The following KCNQ3 variants were observed in gnomAD, a reference collection of about 807,000 sequenced individuals.
The protein encoded by KCNQ3 is potassium voltage-gated channel subfamily KQT member 3.
A neutral mutation model predicts 92.5 loss-of-function variants in KCNQ3; 30 were observed. That is an observed-to-expected ratio of 0.32 (90% CI 0.24 to 0.44). The LOEUF (loss-of-function observed/expected upper bound fraction) is 0.44. KCNQ3 is among the 20% of genes least tolerant of loss of function. The pLI is 1.00. For synonymous variants in KCNQ3, 450 were observed against 468.8 expected, an observed-to-expected ratio of 0.96 and a Z score of 0.52; for missense variants, 913 against 1,140.3, an observed-to-expected ratio of 0.80 and a Z score of 2.87.
At chr8:132,331,361 G>A (rs1289368905) in intron 1 of KCNQ3, among the ~76,000 whole-genome samples, 4 of 152,176 alleles carry the variant, frequency 2.6e-5, no homozygotes, top group Non-Finnish European at 5.9e-5. Flanking sequence ...TCAGCCTCCA[G>A]GAGGATCACC....
chr8:132,378,581 T>C (rs983565972), intron 1 of KCNQ3, among the ~76,000 whole-genome samples: 18 of 152,364 alleles, frequency 1.2e-4, no homozygotes, highest in African/African-American at 4.3e-4. Context: ...ACTCTTGCCT[T>C]GCCACTTCCA....
At chr8:132,186,950 G>C (rs866737461) in intron 1 of KCNQ3, among the ~76,000 whole-genome samples, 2 of 107,224 alleles carry the variant, frequency 1.9e-5, no homozygotes, top group African/African-American at 4.0e-5. Flanking sequence ...GAGAGAGAGA[G>C]AGAGACAGAG....
At chr8:132,366,780 A>C (rs966171658) in intron 1 of KCNQ3, among the ~76,000 whole-genome samples, 1 of 152,172 alleles carries the variant, frequency 6.6e-6, no homozygotes, top group Non-Finnish European at 1.5e-5. Flanking sequence ...TAGATCTCCT[A>C]ATGTTACATA....
intron 1 of KCNQ3, among the ~76,000 whole-genome samples, chr8:132,286,842 G>T (rs968720231): frequency 1.2e-4 from 18 of 152,166 alleles, no homozygotes; most frequent in Admixed American, 6.5e-5. Flanking sequence ...GTTTTCACAG[G>T]AATGGATTAG....
chr8:132,140,203 C>T lies in KCNQ3; in HGVS notation c.1466-25G>A, dbSNP rs553836349. 51 of 1,564,514 alleles carry T rather than the reference C, an allele frequency of 3.3e-5. No homozygotes were observed. The South Asian group carries it at 5.0e-4, about 15-fold the overall frequency. On this transcript the variant is annotated intron_variant, in intron 10 of 14. Transcript: ENST00000388996. ...TCTGGGAGGGAGACACACATATGAA[C>T]GGCAGGCCACAGACCTGGAAAAGGC...
intron 1 of KCNQ3, among the ~76,000 whole-genome samples, chr8:132,334,429 GA>G (rs959914865): frequency 6.6e-5 from 10 of 152,080 alleles, no homozygotes; most frequent in African/African-American, 2.4e-4. Flanking sequence ...AACAAAAATA[GA>G]AAAAAGAAAA....
In KCNQ3 at chr8:132,250,524, C is replaced by T. The variant is rs189005426; in HGVS notation, c.387-64343G>A. Among the ~76,000 whole-genome samples the T allele has an allele frequency of 4.9e-3, 744 of 152,142 alleles. 7 individuals are homozygous for T. Among genetic ancestry groups the T allele is most frequent in the African/African-American group, 0.017 (720 of 41,522 alleles). ...TTAAATATTTCATAGTCTTAATTTT[C>T]TGGGTCAGGCTAAAACAAGGCTAAA... is the stretch of plus-strand genomic sequence containing the variant. On this transcript the variant is annotated intron_variant, in intron 1 of 14. Coordinates refer to ENST00000388996, the MANE Select transcript of KCNQ3 (RefSeq NM_004519.4).
chr8:132,457,122 C>T (rs1334600906), intron 1 of KCNQ3, among the ~76,000 whole-genome samples: 3 of 152,198 alleles, frequency 2.0e-5, no homozygotes, highest in African/African-American at 4.8e-5. Context: ...AGGGTGCCAA[C>T]ACCCCAAACA....
chr8:132,140,353 G>T, intron 10 of KCNQ3, 175 bp from the exon 11 acceptor site: 1 of 583,448 alleles, frequency 1.7e-6, no homozygotes, highest in Non-Finnish European at 3.0e-6. Context: ...AGCCTTTCTT[G>T]GCACCCTCAT....
At chr8:132,271,094 T>C (rs1430426156) in intron 1 of KCNQ3, among the ~76,000 whole-genome samples, 1 of 152,228 alleles carries the variant, frequency 6.6e-6, no homozygotes, top group African/African-American at 2.4e-5. Flanking sequence ...GCACTGCAGA[T>C]ACAGAAAAGA....
chr8:132,477,812 G>T (rs989709398), intron 1 of KCNQ3, among the ~76,000 whole-genome samples: 1 of 152,150 alleles, frequency 6.6e-6, no homozygotes, highest in Non-Finnish European at 1.5e-5. Context: ...CATTAACAAT[G>T]GGGAAAGGGG....
chr8:132,323,994 C>A (rs1356981399), intron 1 of KCNQ3, among the ~76,000 whole-genome samples: 1 of 152,212 alleles, frequency 6.6e-6, no homozygotes, highest in African/African-American at 2.4e-5. Flanking sequence ...ACTTCTACAT[C>A]AGCAGTGTAG....
intron 1 of KCNQ3, among the ~76,000 whole-genome samples, chr8:132,265,377 A>C (rs531014114): frequency 2.2e-4 from 34 of 152,344 alleles, no homozygotes; most frequent in Non-Finnish European, 4.1e-4. Flanking sequence ...ATACAACTTT[A>C]ATTCCTTGGC....
At chr8:132,358,970 T>C (rs1017226650) in intron 1 of KCNQ3, among the ~76,000 whole-genome samples, 3 of 152,128 alleles carry the variant, frequency 2.0e-5, no homozygotes, top group Non-Finnish European at 2.9e-5. Flanking sequence ...CTTGGAACCA[T>C]CCCTCTCCAT....
intron 1 of KCNQ3, among the ~76,000 whole-genome samples, chr8:132,253,999 A>G (rs1563827037): frequency 6.6e-6 from 1 of 152,246 alleles, no homozygotes; most frequent in Admixed American, 6.5e-5. Context: ...ATCTATTAAG[A>G]AGATGTAGGA....
chr8:132,154,192 A>ATTTTTTTTTTTTT lies in KCNQ3; in HGVS notation c.1262+9275_1262+9276insAAAAAAAAAAAAA, dbSNP rs1563775830. Among the ~76,000 whole-genome samples, 36 of 104,478 alleles carry ATTTTTTTTTTTTT rather than the reference A, an allele frequency of 3.4e-4. 1 individual carries two copies. Among genetic ancestry groups the ATTTTTTTTTTTTT allele is most frequent in the African/African-American group, 9.6e-4 (29 of 30,328 alleles). 68.5% of individuals were successfully genotyped at this position (104,478 alleles called of 152,430 possible). On this transcript the variant is annotated intron_variant, in intron 9 of 14. Transcript: ENST00000388996. The stretch of plus-strand genomic sequence containing the variant: ...CCTGATGTACCATCAAAAGGGTAAA[A>ATTTTTTTTTTTTT]GTTTTTTTTTTTTTTTTTTTTTTTT...
At chr8:132,140,712 G>A (rs1203277553) in intron 10 of KCNQ3, 1 of 264,450 alleles carries the variant, frequency 3.8e-6, no homozygotes, top group Non-Finnish European at 7.3e-6. Context: ...ATAAGTAAAA[G>A]AGGCACATGA....
At chr8:132,278,163 A>G in intron 1 of KCNQ3, 1 of 985,408 alleles carries the variant, frequency 1.0e-6, no homozygotes, top group Non-Finnish European at 1.2e-6. Flanking sequence ...CTGGAAATTT[A>G]CAACCCAGAG....
chr8:132,341,617 T>C (rs528091136), intron 1 of KCNQ3, among the ~76,000 whole-genome samples: 16 of 152,306 alleles, frequency 1.1e-4, no homozygotes, highest in African/African-American at 3.8e-4. Flanking sequence ...AAAGAAACAA[T>C]GAAAACATGC....
Sources: gnomAD v4.1 joint callset for allele counts (sites outside exome capture counted in the v4.1 genomes callset) on GRCh38, gnomAD v4.1.1 for gene constraint, MANE v1.5 for transcripts, NCBI Gene and HGNC (gene_info 2026-07-23, HGNC 2026-07-21) for gene names.